Variants in CSMD3 observed in about 807,000 individuals in gnomAD.
The protein encoded by CSMD3 is CUB and Sushi multiple domains 3.
Under a neutral mutation model 435.2 loss-of-function variants are expected in CSMD3, and 177 were observed. The observed-to-expected ratio is 0.41, with a 90% CI of 0.36 to 0.46. The LOEUF (loss-of-function observed/expected upper bound fraction) is 0.46, where lower values mean the gene tolerates loss of function less well. Among genes scored for constraint, CSMD3 ranks in the 20% least tolerant of loss-of-function variants. CSMD3 has a pLI of 0.34. For missense variants in CSMD3, 4,265 were observed against 4,504.6 expected (o/e 0.95, Z 1.52); for synonymous variants, 1,656 against 1,520.5 (o/e 1.09, Z -2.07).
intron 5 of CSMD3, among the ~76,000 whole-genome samples, chr8:113,086,559 T>C (rs946368034): frequency 6.6e-6 from 1 of 152,146 alleles, no homozygotes; most frequent in Non-Finnish European, 1.5e-5. Context: ...TGTGTAATTC[T>C]AATTTATTTT....
At position 112,758,422 on chromosome 8, in the gene CSMD3, T is replaced by C. The variant is rs1185542138; in HGVS notation, c.1972+41740A>G. 2.0e-5 allele frequency among the ~76,000 whole-genome samples: 3 copies of C among 152,162 alleles called. No individual in the cohort carries two copies. In the East Asian group the frequency reaches 5.8e-4, roughly 29 times the overall value. On this transcript the variant is annotated intron_variant, in intron 13 of 70. Coordinates refer to ENST00000297405, the MANE Select transcript of CSMD3 (RefSeq NM_198123.2). ...GCAACTCCCAAAATTTAAAATATTC[T>C]TAGCATATATCTAATTTTACTTCAT...
chr8:113,025,203 G>A lies in CSMD3; in HGVS notation c.918-6024C>T, dbSNP rs544708119. 1.3e-4 allele frequency among the ~76,000 whole-genome samples: 19 copies of A among 151,970 alleles called. No individual in the cohort carries two copies. In the South Asian group the frequency reaches 1.5e-3, roughly 12 times the overall value. On this transcript the variant is annotated intron_variant, in intron 5 of 70. Coordinates refer to ENST00000297405, the MANE Select transcript of CSMD3 (RefSeq NM_198123.2). ...TTTCACATTTCTTCTTTCCCTATGC[G>A]TATATCTGTGCATCTGGTAGAAGAG...
chr8:113,222,013 A>G (rs995190464), intron 3 of CSMD3, among the ~76,000 whole-genome samples: 24 of 129,626 alleles, frequency 1.9e-4, no homozygotes, highest in Non-Finnish European at 3.3e-4. Context: ...ACAAAGCAGT[A>G]AATGCTTTGA....
chr8:112,914,147 T>C (rs533880054), intron 10 of CSMD3, among the ~76,000 whole-genome samples: 53 of 152,120 alleles, frequency 3.5e-4, no homozygotes, highest in Admixed American at 7.9e-4. Flanking sequence ...GGTATTTTCA[T>C]GTCCAATGAA....
At chr8:112,293,700 A>C (rs929726878) in intron 54 of CSMD3, among the ~76,000 whole-genome samples, 2 of 152,054 alleles carry the variant, frequency 1.3e-5, no homozygotes, top group Non-Finnish European at 2.9e-5. Context: ...GCTTTCCCCA[A>C]ACACTATTTC....
intron 12 of CSMD3, among the ~76,000 whole-genome samples, chr8:112,816,962 T>A (rs1270618721): frequency 6.6e-6 from 1 of 152,038 alleles, no homozygotes; most frequent in Non-Finnish European, 1.5e-5. Flanking sequence ...TGTACTAACT[T>A]ATCCTGGAGA....
intron 1 of CSMD3, among the ~76,000 whole-genome samples, chr8:113,398,151 G>A (rs2094492951): frequency 6.6e-6 from 1 of 152,098 alleles, no homozygotes; most frequent in Admixed American, 6.6e-5. Context: ...ATGTTTTTCT[G>A]TATTTTCTTG....
intron 54 of CSMD3, among the ~76,000 whole-genome samples, chr8:112,295,185 A>C (rs1820146628): frequency 6.6e-6 from 1 of 152,140 alleles, no homozygotes; most frequent in Admixed American, 6.6e-5. Flanking sequence ...TATATTTAAA[A>C]ATGCAATGCA....
At chr8:112,277,452 G>T (rs1391066459) in intron 59 of CSMD3, among the ~76,000 whole-genome samples, 1 of 152,148 alleles carries the variant, frequency 6.6e-6, no homozygotes, top group African/African-American at 2.4e-5. Flanking sequence ...ATCATTATCA[G>T]CATTTTGCTC....
intron 64 of CSMD3, among the ~76,000 whole-genome samples, chr8:112,244,924 G>A (rs1299824041): frequency 6.6e-6 from 1 of 151,984 alleles, no homozygotes; most frequent in Non-Finnish European, 1.5e-5. Flanking sequence ...TAAAGGATCT[G>A]TGAAGTTCTG....
At chr8:113,233,432 AT>A (rs1180566941) in intron 3 of CSMD3, among the ~76,000 whole-genome samples, 3 of 151,062 alleles carry the variant, frequency 2.0e-5, no homozygotes, top group African/African-American at 7.2e-5. Flanking sequence ...AGATTAAAAA[AT>A]AATAAAACCT....
intron 38 of CSMD3, among the ~76,000 whole-genome samples, chr8:112,378,429 A>G (rs1467650095): frequency 1.3e-5 from 2 of 152,196 alleles, no homozygotes; most frequent in African/African-American, 4.8e-5. Flanking sequence ...GTGTCCATCA[A>G]TGGATGAATG....
At chr8:112,301,621 C>T (rs187031564) in intron 53 of CSMD3, among the ~76,000 whole-genome samples, 172 bp downstream of exon 53, 3 of 152,078 alleles carry the variant, frequency 2.0e-5, no homozygotes, top group Non-Finnish European at 2.9e-5. Context: ...TTGATTATTC[C>T]GTTTAGTAGC....
At position 112,254,559 on chromosome 8, in the gene CSMD3, C is replaced by G. The variant is rs77322178; in HGVS notation, c.10037-233G>C. 6.5e-3 allele frequency among the ~76,000 whole-genome samples: 990 copies of G among 152,052 alleles called. 9 individuals are homozygous for G. The highest frequency in any genetic ancestry group is 0.022 in the African/African-American group (926 of 41,512). On this transcript the variant is annotated intron_variant, in intron 62 of 70. Coordinates refer to ENST00000297405, the MANE Select transcript of CSMD3 (RefSeq NM_198123.2). ...TGAAATTCTTGAACTTTGAACCCTT[C>G]CGATATAAAAGCACTTGACATTCAA...
At chr8:113,346,520 T>A (rs571143548) in intron 1 of CSMD3, among the ~76,000 whole-genome samples, 19 of 152,194 alleles carry the variant, frequency 1.2e-4, no homozygotes, top group Admixed American at 2.0e-4. Flanking sequence ...GAAACTAGAT[T>A]TTTTTTAAAA....
chr8:112,932,181 T>C (rs548731585), intron 9 of CSMD3, among the ~76,000 whole-genome samples: 13 of 152,332 alleles, frequency 8.5e-5, no homozygotes, highest in African/African-American at 3.1e-4. Flanking sequence ...AGCTGAGATA[T>C]GAAATCAATC....
chr8:112,308,432 C>T (rs1220689082), intron 50 of CSMD3, among the ~76,000 whole-genome samples: 1 of 151,948 alleles, frequency 6.6e-6, no homozygotes, highest in East Asian at 1.9e-4. Context: ...TAAAAAGAGA[C>T]AACGTACCAG....
At chr8:112,381,161 A>C (rs906240766) in intron 37 of CSMD3, among the ~76,000 whole-genome samples, 4 of 150,374 alleles carry the variant, frequency 2.7e-5, no homozygotes, top group Admixed American at 6.8e-5. Flanking sequence ...AGACAGCTAG[A>C]TAGATAGATT....
intron 5 of CSMD3, among the ~76,000 whole-genome samples, chr8:113,090,290 A>C (rs2089959136): frequency 6.6e-6 from 1 of 152,162 alleles, no homozygotes; most frequent in African/African-American, 2.4e-5. Flanking sequence ...AGTAATGCCT[A>C]AATCAAGAAA....
Sources: allele counts gnomAD v4.1 joint callset (sites outside exome capture counted in the v4.1 genomes callset), GRCh38; gene constraint gnomAD v4.1.1; transcripts MANE v1.5; gene names NCBI Gene and HGNC (gene_info 2026-07-23, HGNC 2026-07-21).